EPB41L2: variants seen among roughly 807,000 people sequenced by gnomAD.
EPB41L2 encodes band 4.1-like protein 2.
In EPB41L2, 43 loss-of-function variants were observed where a neutral mutation model predicts 113.0. That is an observed-to-expected ratio of 0.38 (90% confidence interval 0.30 to 0.49). The LOEUF (loss-of-function observed/expected upper bound fraction) is 0.49. Among genes scored for constraint, EPB41L2 ranks in the 20% least tolerant of loss-of-function variants. The pLI is 0.95. For synonymous variants in EPB41L2, 442 were observed against 436.7 expected, an observed-to-expected ratio of 1.01 and a Z score of -0.15; for missense variants, 1,147 against 1,223.4, an observed-to-expected ratio of 0.94 and a Z score of 0.93.
intron 7 of EPB41L2, among the ~76,000 whole-genome samples, chr6:130,900,242 T>A (rs879787064): frequency 8.5e-5 from 13 of 152,214 alleles, no homozygotes; most frequent in Middle Eastern, 3.4e-3. Flanking sequence ...ATATTTTTTT[T>A]AAAGAAAAAT....
intron 1 of EPB41L2, among the ~76,000 whole-genome samples, chr6:131,041,992 A>T (rs1794538864): frequency 6.6e-6 from 1 of 152,168 alleles, no homozygotes; most frequent in African/African-American, 2.4e-5. Flanking sequence ...GACCTATTTT[A>T]AAAAGAGTGA....
At chr6:130,862,203 C>G (rs1294421227) in intron 18 of EPB41L2, among the ~76,000 whole-genome samples, 1 of 151,938 alleles carries the variant, frequency 6.6e-6, no homozygotes, top group Admixed American at 6.6e-5. Context: ...ATTATTTTGG[C>G]TTTTGTTATA....
chr6:130,848,281 G>A (rs1777718950), intron 19 of EPB41L2, among the ~76,000 whole-genome samples: 1 of 149,952 alleles, frequency 6.7e-6, no homozygotes, highest in African/African-American at 2.5e-5. Context: ...GTTTAAGGTT[G>A]TCCTCTCACT....
At chr6:130,944,454 A>G (rs2128594148) in intron 3 of EPB41L2, among the ~76,000 whole-genome samples, 1 of 152,326 alleles carries the variant, frequency 6.6e-6, no homozygotes, top group South Asian at 2.1e-4. Flanking sequence ...CCAGGTGAAG[A>G]AACAACATCA....
At chr6:130,842,413 G>A (rs1277106909) in intron 19 of EPB41L2, among the ~76,000 whole-genome samples, 1 of 152,172 alleles carries the variant, frequency 6.6e-6, no homozygotes, top group African/African-American at 2.4e-5. Context: ...GGATTTGGCA[G>A]TTATATGACA....
intron 4 of EPB41L2, among the ~76,000 whole-genome samples, chr6:130,915,002 T>C (rs577633271): frequency 1.3e-5 from 2 of 152,326 alleles, no homozygotes; most frequent in Non-Finnish European, 2.9e-5. Context: ...CCTTAGAATA[T>C]CAAGTATTGT....
intron 1 of EPB41L2, among the ~76,000 whole-genome samples, chr6:131,055,044 C>T (rs2128204194): frequency 6.6e-6 from 1 of 152,336 alleles, no homozygotes; most frequent in South Asian, 2.1e-4. Context: ...AAACAGTTTG[C>T]TGCTTACTCA....
chr6:131,058,555 C>T (rs529339977), intron 1 of EPB41L2, among the ~76,000 whole-genome samples: 148 of 152,296 alleles, frequency 9.7e-4, no homozygotes, highest in Middle Eastern at 3.4e-3. Context: ...ACTAAAGATT[C>T]TTCACCTCTA....
chr6:130,973,088 A>C (rs1410429721), intron 1 of EPB41L2, among the ~76,000 whole-genome samples: 1 of 152,048 alleles, frequency 6.6e-6, no homozygotes, highest in African/African-American at 2.4e-5. Context: ...CTCCAGCCTG[A>C]GTGGCTCCAT....
chr6:130,979,163 A>G (rs989815349), intron 1 of EPB41L2, among the ~76,000 whole-genome samples: 1 of 152,136 alleles, frequency 6.6e-6, no homozygotes, highest in Non-Finnish European at 1.5e-5. Context: ...TGACTTTGGC[A>G]GCCACATGAG....
At chr6:131,029,976 TCA>T (rs1791772145) in intron 1 of EPB41L2, among the ~76,000 whole-genome samples, 1 of 151,610 alleles carries the variant, frequency 6.6e-6, no homozygotes, top group African/African-American at 2.4e-5. Flanking sequence ...ACAGTTTCAA[TCA>T]CAGTTTCACA....
chr6:130,907,445 G>C (rs1798064539), intron 5 of EPB41L2, among the ~76,000 whole-genome samples: 2 of 152,142 alleles, frequency 1.3e-5, no homozygotes, highest in Admixed American at 6.5e-5. Context: ...AGAGAATGTG[G>C]GAAACCAGGA....
At chr6:130,908,715 A>G in intron 5 of EPB41L2, 106 bp downstream of exon 5, 1 of 789,140 alleles carries the variant, frequency 1.3e-6, no homozygotes, top group East Asian at 2.7e-5. Flanking sequence ...AACTTCTAAG[A>G]TGGCATAAAT....
chr6:131,016,379 T>A (rs560208139), intron 1 of EPB41L2, among the ~76,000 whole-genome samples: 2 of 152,020 alleles, frequency 1.3e-5, no homozygotes, highest in Non-Finnish European at 2.9e-5. Flanking sequence ...GTATTCTCCA[T>A]CCACAATTAA....
Position 130,915,959 on chromosome 6 carries a change from C to A in EPB41L2, c.811-7096G>T, listed in dbSNP as rs1192230818. ...TGCCCAGCCTCAGGTATGTCTTTAT[C>A]AGCAGTATGAAAACAGACTAATATA... On this transcript the variant is annotated intron_variant, in intron 4 of 19. Coordinates refer to ENST00000337057, the MANE Select transcript of EPB41L2 (RefSeq NM_001431.4). Among the ~76,000 whole-genome samples the A allele has an allele frequency of 5.3e-5, 8 of 152,294 alleles. No individual in the cohort carries two copies. In the East Asian group the frequency reaches 1.5e-3, roughly 29 times the overall value.
Position 130,870,127 on chromosome 6 carries a change from CTG to C in EPB41L2, c.2044-3_2044-2del, listed in dbSNP as rs1785180755. On this transcript the variant is annotated splice_acceptor_variant and splice_polypyrimidine_tract_variant and intron_variant, in intron 14 of 19. Transcript: ENST00000337057. LOFTEE classifies it high-confidence loss of function. ...CTATATTCAGAGTCTCATGTGAACTCTGTACAAAAAAAGATGGATGAGGGAAA... is the reference window on the plus strand; with the variant it reads ...CTATATTCAGAGTCTCATGTGAACTCTACAAAAAAAGATGGATGAGGGAAA... The C allele has an allele frequency of 1.3e-6, 2 of 1,589,826 alleles. No individual in the cohort carries two copies. Among genetic ancestry groups the C allele is most frequent in the East Asian group, 2.2e-5 (1 of 44,582 alleles).
intron 4 of EPB41L2, among the ~76,000 whole-genome samples, chr6:130,912,011 T>G (rs753817785): frequency 1.8e-4 from 27 of 152,296 alleles, no homozygotes; most frequent in Non-Finnish European, 4.0e-4. Flanking sequence ...CACCGCCTCC[T>G]GTCAGATCAC....
At chr6:131,010,432 A>G (rs1466572011) in intron 1 of EPB41L2, among the ~76,000 whole-genome samples, 2 of 134,572 alleles carry the variant, frequency 1.5e-5, no homozygotes, top group Non-Finnish European at 3.2e-5. Flanking sequence ...TTTTTTTTTG[A>G]AACGCAGTTT....
At chr6:130,844,359 CACATGGTGAAACCATGTGGCCA>C (rs1201531074) in intron 19 of EPB41L2, among the ~76,000 whole-genome samples, 15 of 151,552 alleles carry the variant, frequency 9.9e-5, no homozygotes, top group African/African-American at 1.7e-4. Context: ...TCAGGGGTTT[CACATGGTGAAACCATGTGGCCA>C]ACATGGTGAA....
Sources: allele counts gnomAD v4.1 joint callset (sites outside exome capture counted in the v4.1 genomes callset), GRCh38; gene constraint gnomAD v4.1.1; transcripts MANE v1.5; gene names NCBI Gene and HGNC (gene_info 2026-07-23, HGNC 2026-07-21).